Variants in MAP4K4 observed in about 807,000 individuals in gnomAD.
The protein encoded by MAP4K4 is HPK/GCK-like kinase HGK.
Under a neutral mutation model 189.6 loss-of-function variants are expected in MAP4K4, and 38 were observed. The ratio of observed to expected loss-of-function variants is 0.20; its 90% confidence interval spans 0.15 to 0.26. The LOEUF is 0.26. MAP4K4 is among the 10% of genes least tolerant of loss of function. The probability of loss-of-function intolerance (pLI) is 1.00; values close to 1 mark genes in which losing one functional copy is unlikely to be tolerated. For synonymous variants in MAP4K4, 610 were observed against 624.3 expected, an observed-to-expected ratio of 0.98 and a Z score of 0.34; for missense variants, 1,054 against 1,726.9, an observed-to-expected ratio of 0.61 and a Z score of 6.91.
intron 2 of MAP4K4, among the ~76,000 whole-genome samples, chr2:101,767,722 A>G (rs1398410401): frequency 2.0e-5 from 3 of 152,208 alleles, no homozygotes; most frequent in Non-Finnish European, 4.4e-5. Flanking sequence ...ATCTCCTCGC[A>G]GAGAGAGATG....
Position 101,765,746 on chromosome 2 carries a change from A to T in MAP4K4, c.124-24974A>T, listed in dbSNP as rs527594843. Among the ~76,000 whole-genome samples, 3 of 152,344 alleles carry T rather than the reference A, an allele frequency of 2.0e-5. No individual in the cohort carries two copies. In the East Asian group the frequency reaches 5.8e-4, roughly 29 times the overall value. ...TAACAAGTGTTGAATCTAGGTATTAAGTAATCAGATATTCATTATATTTGG... is the reference window on the plus strand; with the variant it reads ...TAACAAGTGTTGAATCTAGGTATTATGTAATCAGATATTCATTATATTTGG... On this transcript the variant is annotated intron_variant, in intron 2 of 32. Coordinates refer to ENST00000324219, the Ensembl canonical transcript of MAP4K4.
At chr2:101,893,043 T>C (rs950932411) in exon 33 of MAP4K4, 2 of 456,440 alleles carry the variant, frequency 4.4e-6, no homozygotes, top group Non-Finnish European at 8.8e-6. Flanking sequence ...AATGGGGGAT[T>C]TTCCCTCTGC....
At chr2:101,783,777 T>C (rs901569355) in intron 2 of MAP4K4, among the ~76,000 whole-genome samples, 3 of 152,188 alleles carry the variant, frequency 2.0e-5, no homozygotes, top group Non-Finnish European at 4.4e-5. Context: ...CCAGGTCTTC[T>C]CTCTTCTGTT....
chr2:101,804,478 C>T (rs1424824191), intron 3 of MAP4K4, among the ~76,000 whole-genome samples: 2 of 152,144 alleles, frequency 1.3e-5, no homozygotes, highest in Non-Finnish European at 2.9e-5. Context: ...ACAGGACTGC[C>T]ACTGTCTTTG....
chr2:101,747,977 C>T (rs895527076), intron 2 of MAP4K4, among the ~76,000 whole-genome samples: 1 of 152,108 alleles, frequency 6.6e-6, no homozygotes, highest in Non-Finnish European at 1.5e-5. Context: ...AGTGAAGGGT[C>T]GAGCTCTTTT....
At chr2:101,739,028 C>T (rs1167672582) in intron 2 of MAP4K4, among the ~76,000 whole-genome samples, 1 of 152,128 alleles carries the variant, frequency 6.6e-6, no homozygotes. Context: ...GTAAGGCATT[C>T]GTTTTATTCT....
At chr2:101,790,824 A>T (rs778074332) in intron 3 of MAP4K4, 48 bp downstream of exon 3, 24 of 1,426,472 alleles carry the variant, frequency 1.7e-5, no homozygotes, top group African/African-American at 5.6e-5. Context: ...ATGGAAGACA[A>T]AGATTCCCCC....
chr2:101,740,151 C>CT (rs71250687), intron 2 of MAP4K4, among the ~76,000 whole-genome samples: 32,356 of 86,472 alleles, frequency 0.37, 8,325 homozygotes, highest in Admixed American at 0.43. Context: ...TTTATATCAT[C>CT]TTTTTTTTTT....
Position 101,775,843 on chromosome 2 carries a change from A to G in MAP4K4, c.124-14877A>G, listed in dbSNP as rs558643283. Among the ~76,000 whole-genome samples the G allele has an allele frequency of 2.8e-3, 433 of 152,296 alleles. 4 individuals carry two copies. The highest frequency in any genetic ancestry group is 5.1e-3 in the Non-Finnish European group (346 of 68,016). On this transcript the variant is annotated intron_variant, in intron 2 of 32. Coordinates refer to ENST00000324219, the Ensembl canonical transcript of MAP4K4. ...ATGTGGTCAGGCCAGTGAAGGGGGA[A>G]CAGAGTCAGGGTGCTTGTGTGGTCA... is the stretch of plus-strand genomic sequence containing the variant.
chr2:101,698,411 C>G, intron 1 of MAP4K4, 62 bp from the exon 2 acceptor site: 1 of 1,429,470 alleles, frequency 7.0e-7, no homozygotes, highest in South Asian at 1.1e-5. Context: ...AACTGCCTTG[C>G]TTGATTTATT....
chr2:101,888,746 A>T, intron 31 of MAP4K4, 50 bp from the exon 32 acceptor site: 3 of 1,442,224 alleles, frequency 2.1e-6, no homozygotes, highest in Non-Finnish European at 2.8e-6. Context: ...ACATCTTTTC[A>T]GGGCTGTTTC....
chr2:101,777,658 T>C (rs1327350143), intron 2 of MAP4K4, among the ~76,000 whole-genome samples: 1 of 152,210 alleles, frequency 6.6e-6, no homozygotes, highest in Non-Finnish European at 1.5e-5. Flanking sequence ...CCCTGTAGCT[T>C]ATTTCCATCC....
intron 2 of MAP4K4, among the ~76,000 whole-genome samples, chr2:101,777,559 G>C (rs1159161126): frequency 4.6e-5 from 7 of 152,146 alleles, no homozygotes; most frequent in African/African-American, 1.4e-4. Context: ...CAAATGACAA[G>C]GTATCAGAGA....
At chr2:101,834,430 A>G in exon 8 of MAP4K4, 1 of 1,609,434 alleles carries the variant, frequency 6.2e-7, no homozygotes, top group South Asian at 1.1e-5. Flanking sequence ...GTCTTGTGGC[A>G]TTACAGCCAT....
rs538340022 is a variant in MAP4K4 at position 101,742,299 on chromosome 2, G to T, written c.123+43761G>T. Among the ~76,000 whole-genome samples, 6 of 152,308 alleles carry T rather than the reference G, an allele frequency of 3.9e-5. No homozygotes were observed. The East Asian group carries it at 1.2e-3, about 29-fold the overall frequency. On this transcript the variant is annotated intron_variant, in intron 2 of 32. Coordinates refer to ENST00000324219, the Ensembl canonical transcript of MAP4K4. ...TGATTTCTTTAGGCAGACTGAGGAG[G>T]CAGCAAAGCTGTACTGAAAGCTCAT...
At chr2:101,887,201 T>C in exon 30 of MAP4K4, 1 of 1,613,442 alleles carries the variant, frequency 6.2e-7, no homozygotes, top group Non-Finnish European at 8.5e-7. Context: ...TTGATGTGGA[T>C]TCAGGATCAG....
intron 3 of MAP4K4, among the ~76,000 whole-genome samples, chr2:101,806,931 C>A (rs2094994030): frequency 6.6e-6 from 1 of 152,160 alleles, no homozygotes; most frequent in Admixed American, 6.5e-5. Flanking sequence ...GTTAAAGCAG[C>A]ACATCTCCCT....
chr2:101,764,030 G>A lies in MAP4K4; in HGVS notation c.124-26690G>A, dbSNP rs374345545. On this transcript the variant is annotated intron_variant, in intron 2 of 32. Transcript: ENST00000324219. ...TGTCACATTTTTTCATCTTTGTCAC[G>A]TGGGGCTATAGTGACACAACTGTAT... Among the ~76,000 whole-genome samples, 172 of 152,092 alleles carry A rather than the reference G, an allele frequency of 1.1e-3. 1 individual carries two copies. Among genetic ancestry groups the A allele is most frequent in the African/African-American group, 3.9e-3 (163 of 41,502 alleles).
intron 2 of MAP4K4, among the ~76,000 whole-genome samples, chr2:101,753,847 T>C (rs1298209455): frequency 6.6e-6 from 1 of 152,118 alleles, no homozygotes; most frequent in African/African-American, 2.4e-5. Flanking sequence ...AGAGTTAAAC[T>C]ACCTTGGTGT....
Sources: gnomAD v4.1 joint callset for allele counts (sites outside exome capture counted in the v4.1 genomes callset) on GRCh38, gnomAD v4.1.1 for gene constraint, MANE v1.5 for transcripts, NCBI Gene and HGNC (gene_info 2026-07-23, HGNC 2026-07-21) for gene names.